Variants in INSYN2B observed in about 807,000 individuals in gnomAD.
INSYN2B encodes the protein protein INSYN2B.
In INSYN2B, 16 loss-of-function variants were observed where a neutral mutation model predicts 41.2. The observed-to-expected ratio is 0.39, with a 90% CI of 0.26 to 0.59. The LOEUF is 0.59. Among genes scored for constraint, INSYN2B ranks in the 20% least tolerant of loss-of-function variants. The pLI is 0.57. For missense variants in INSYN2B, 608 were observed against 646.4 expected (o/e 0.94, Z 0.64); for synonymous variants, 245 against 244.4 (o/e 1.00, Z -0.02).
intron 1 of INSYN2B, among the ~76,000 whole-genome samples, chr5:169,963,167 T>C (rs749115998): frequency 1.3e-5 from 2 of 152,216 alleles, no homozygotes; most frequent in Non-Finnish European, 2.9e-5. Context: ...AAAGAGAGTT[T>C]GGGAAGGCCT....
rs565374226 is a variant in INSYN2B at position 169,960,131 on chromosome 5, G to A, written c.-919+20146C>T. ...GCTTTTGTGAAACTGATGAAGGCAA[G>A]GTCTACCCTGCCTCTCTGAGTTCTT... On this transcript the variant is annotated intron_variant, in intron 1 of 3. Coordinates refer to ENST00000377365, the MANE Select transcript of INSYN2B (RefSeq NM_001129891.3). Among the ~76,000 whole-genome samples the A allele has an allele frequency of 3.3e-5, 5 of 152,290 alleles. No homozygotes were observed. The South Asian group carries it at 1.0e-3, about 32-fold the overall frequency.
intron 1 of INSYN2B, among the ~76,000 whole-genome samples, chr5:169,915,881 G>C (rs926638372): frequency 6.6e-6 from 1 of 152,118 alleles, no homozygotes; most frequent in African/African-American, 2.4e-5. Flanking sequence ...TAGCAAATCT[G>C]ATTAAATGGT....
chr5:169,972,492 G>GCATTATT, intron 1 of INSYN2B, among the ~76,000 whole-genome samples: 1 of 48,496 alleles, frequency 2.1e-5, no homozygotes, highest in Non-Finnish European at 3.3e-5. Flanking sequence ...ATATTTCAAG[G>GCATTATT]CAATGCCCTT....
At chr5:169,978,392 TG>T (rs150934804) in intron 1 of INSYN2B, among the ~76,000 whole-genome samples, 2,449 of 22,682 alleles carry the variant, frequency 0.11, 189 homozygotes, top group Admixed American at 0.34. Context: ...TGTGTGTGTG[TG>T]GGGGGGGGGG....
intron 1 of INSYN2B, among the ~76,000 whole-genome samples, chr5:169,951,100 G>C (rs1776646414): frequency 6.6e-6 from 1 of 152,122 alleles, no homozygotes; most frequent in South Asian, 2.1e-4. Flanking sequence ...CCTTATCTGG[G>C]ACACGGTCCC....
chr5:169,928,329 C>T (rs964190688), intron 1 of INSYN2B, among the ~76,000 whole-genome samples: 7 of 152,366 alleles, frequency 4.6e-5, no homozygotes, highest in African/African-American at 1.7e-4. Context: ...TGACCAGTGG[C>T]AGTGCTGCCT....
At chr5:169,961,029 G>A (rs1003109031) in intron 1 of INSYN2B, among the ~76,000 whole-genome samples, 27 of 152,316 alleles carry the variant, frequency 1.8e-4, no homozygotes, top group Middle Eastern at 6.8e-3. Flanking sequence ...TAAGAAAGAC[G>A]ACTGTAACTA....
intron 1 of INSYN2B, among the ~76,000 whole-genome samples, chr5:169,929,890 C>T (rs1436705239): frequency 6.6e-6 from 1 of 152,174 alleles, no homozygotes; most frequent in African/African-American, 2.4e-5. Context: ...ATGGTAGCCA[C>T]TAGCCACACA....
chr5:169,871,707 G>C (rs886136292), intron 3 of INSYN2B, among the ~76,000 whole-genome samples: 8 of 152,212 alleles, frequency 5.3e-5, no homozygotes, highest in Non-Finnish European at 8.8e-5. Context: ...TAGGGTGGTG[G>C]GGGTGGAGGT....
At chr5:169,932,484 G>C (rs542390011) in intron 1 of INSYN2B, among the ~76,000 whole-genome samples, 4 of 152,200 alleles carry the variant, frequency 2.6e-5, no homozygotes, top group Non-Finnish European at 5.9e-5. Flanking sequence ...TCAGTTGATG[G>C]AACATGCTTC....
chr5:169,925,884 G>A (rs977868271), intron 1 of INSYN2B, among the ~76,000 whole-genome samples: 5 of 152,142 alleles, frequency 3.3e-5, no homozygotes, highest in Non-Finnish European at 5.9e-5. Context: ...ATGTTCCCTG[G>A]CAGCTGGGCC....
At chr5:169,865,284 G>A (rs1259817119) in intron 3 of INSYN2B, among the ~76,000 whole-genome samples, 1 of 152,204 alleles carries the variant, frequency 6.6e-6, no homozygotes, top group Non-Finnish European at 1.5e-5. Flanking sequence ...GGAGGTAAAA[G>A]TGAACCTGTC....
intron 1 of INSYN2B, among the ~76,000 whole-genome samples, chr5:169,957,123 C>T (rs1467891621): frequency 6.6e-6 from 1 of 152,018 alleles, no homozygotes; most frequent in African/African-American, 2.4e-5. Flanking sequence ...CTGTCAGTGC[C>T]ATGAGGGCAG....
chr5:169,867,196 T>C (rs576043997), intron 3 of INSYN2B, among the ~76,000 whole-genome samples: 1 of 152,334 alleles, frequency 6.6e-6, no homozygotes, highest in South Asian at 2.1e-4. Context: ...TCCTCCAGGG[T>C]ATGGGCAGGA....
At chr5:169,931,913 T>C (rs561902659) in intron 1 of INSYN2B, among the ~76,000 whole-genome samples, 4 of 152,280 alleles carry the variant, frequency 2.6e-5, no homozygotes, top group African/African-American at 9.6e-5. Context: ...TCAGGGAAAA[T>C]ATCATGCATT....
At chr5:169,960,731 G>A (rs530719093) in intron 1 of INSYN2B, among the ~76,000 whole-genome samples, 2 of 152,108 alleles carry the variant, frequency 1.3e-5, no homozygotes, top group Non-Finnish European at 2.9e-5. Context: ...TTTGTTACTT[G>A]CAGTTAATTG....
intron 1 of INSYN2B, among the ~76,000 whole-genome samples, chr5:169,971,443 T>TCA (rs1777505588): frequency 6.6e-6 from 1 of 151,234 alleles, no homozygotes; most frequent in African/African-American, 2.4e-5. Context: ...TTTTTTTTTT[T>TCA]TTTCATGAAA....
intron 1 of INSYN2B, among the ~76,000 whole-genome samples, chr5:169,954,630 G>T (rs1776791450): frequency 6.6e-6 from 1 of 152,236 alleles, no homozygotes; most frequent in Non-Finnish European, 1.5e-5. Flanking sequence ...CCAAGGAGGG[G>T]AGTGACTTGC....
intron 1 of INSYN2B, among the ~76,000 whole-genome samples, chr5:169,922,645 A>G (rs1010566610): frequency 2.6e-5 from 4 of 152,252 alleles, no homozygotes; most frequent in African/African-American, 9.6e-5. Flanking sequence ...TAACAGATTT[A>G]TAGTGCTCAG....
Sources: gnomAD v4.1 joint callset for allele counts (sites outside exome capture counted in the v4.1 genomes callset) on GRCh38, gnomAD v4.1.1 for gene constraint, MANE v1.5 for transcripts, NCBI Gene and HGNC (gene_info 2026-07-23, HGNC 2026-07-21) for gene names.